FAT1: variants seen among roughly 807,000 people sequenced by gnomAD.
FAT1 encodes protocadherin Fat 1.
In FAT1, 171 loss-of-function variants were observed where a neutral mutation model predicts 329.8. The observed-to-expected ratio is 0.52, with a 90% CI of 0.46 to 0.59. FAT1 has a LOEUF of 0.59. Among genes scored for constraint, FAT1 ranks in the 20% least tolerant of loss-of-function variants. FAT1 has a pLI of 0.00. For synonymous variants in FAT1, 2,233 were observed against 2,228.6 expected (o/e 1.00, Z -0.06); for missense variants, 5,672 against 5,774.4 (o/e 0.98, Z 0.57).
chr4:186,612,156 G>C (rs976932970), intron 13 of FAT1, among the ~76,000 whole-genome samples: 2 of 150,858 alleles, frequency 1.3e-5, no homozygotes, highest in Non-Finnish European at 2.9e-5. Context: ...TTTTTTAGAA[G>C]GGTAAACGCT....
chr4:186,600,415 C>G (rs2126415915), intron 21 of FAT1, 55 bp from the exon 22 acceptor site: 4 of 1,426,904 alleles, frequency 2.8e-6, no homozygotes, highest in Non-Finnish European at 3.8e-6. Flanking sequence ...TCAATGAGAG[C>G]ACCTGATCAC....
intron 2 of FAT1, among the ~76,000 whole-genome samples, chr4:186,664,137 A>G (rs1383976040): frequency 6.6e-6 from 1 of 152,146 alleles, no homozygotes; most frequent in African/African-American, 2.4e-5. Flanking sequence ...GCCACTGTCT[A>G]AGGAAAAAGG....
At chr4:186,712,954 A>G (rs1041145174) in intron 1 of FAT1, among the ~76,000 whole-genome samples, 3 of 111,980 alleles carry the variant, frequency 2.7e-5, no homozygotes, top group African/African-American at 1.2e-4. Flanking sequence ...GCCGGGGCAC[A>G]TCCTGGGAGA....
chr4:186,690,098 C>G (rs146234948), intron 2 of FAT1, among the ~76,000 whole-genome samples: 4 of 152,252 alleles, frequency 2.6e-5, no homozygotes, highest in Admixed American at 6.5e-5. Flanking sequence ...CATTGCGTTA[C>G]AGAAAAGTGT....
In FAT1 at chr4:186,609,979, C is replaced by T. The variant is rs1739327802; in HGVS notation, c.9890G>A (p.Ser3297Asn). 6.2e-7 allele frequency: 1 copy of T among 1,613,104 alleles called. No homozygotes were observed. Among genetic ancestry groups the T allele is most frequent in the African/African-American group, 1.3e-5 (1 of 75,012 alleles). Residue 3297 changes from serine (S) to asparagine (N), a missense_variant, in exon 15 of 27, where the codon AGC becomes AAC. Around this residue, in one of 2 missense-constraint regions of FAT1, gnomAD observed 1,706 missense variants for 1,859.1 expected, o/e 0.92. Coordinates refer to ENST00000441802, the MANE Select transcript of FAT1 (RefSeq NM_005245.4). ...TACTGTTAGGTAATACTCATGAGAG[C>T]TCTCATAATCCAGATTCTCAATGAT... is the stretch of plus-strand genomic sequence containing the variant. ...VFIIENLDYESSHEYYLTVEA... is the reference protein window; with the variant it reads ...VFIIENLDYENSHEYYLTVEA...
At chr4:186,601,486 T>G in intron 20 of FAT1, 60 bp from the exon 21 acceptor site, 1 of 1,476,934 alleles carries the variant, frequency 6.8e-7, no homozygotes, top group Non-Finnish European at 9.3e-7. Flanking sequence ...TTTTTTAAAG[T>G]ATGACTCCCC....
intron 26 of FAT1, among the ~76,000 whole-genome samples, chr4:186,595,297 GT>G (rs1738445522): frequency 3.3e-5 from 3 of 89,702 alleles, no homozygotes; most frequent in South Asian, 2.9e-4. Context: ...CTTAGAGGGG[GT>G]GTGTGTGTGT....
rs377244312 is a variant in FAT1 at position 186,628,473 on chromosome 4, G to T, written c.4599+15C>A. The T allele has an allele frequency of 1.2e-6, 2 of 1,613,552 alleles. No individual in the cohort carries two copies. Among genetic ancestry groups the T allele is most frequent in the Admixed American group, 3.3e-5 (2 of 60,016 alleles). On this transcript the variant is annotated intron_variant, in intron 8 of 26. Coordinates refer to ENST00000441802, the MANE Select transcript of FAT1 (RefSeq NM_005245.4). ...CAGGACCAAATGGTGGGAGGAGAGC[G>T]GGTAGAGCGCCTACCATGACCGTGA...
intron 2 of FAT1, among the ~76,000 whole-genome samples, chr4:186,679,176 C>A (rs963669107): frequency 1.3e-5 from 2 of 151,892 alleles, no homozygotes; most frequent in Admixed American, 1.3e-4. Flanking sequence ...GTCAGGAGAT[C>A]GAGACCATCC....
At position 186,630,618 on chromosome 4, in the gene FAT1, G is replaced by A. The variant is rs190449664; in HGVS notation, c.4324-1855C>T. ...GTGCAACAAGACTATGGCTTTCTGC[G>A]TGCTTACTGGGTGACAGGCTCTCAG... On this transcript the variant is annotated intron_variant, in intron 7 of 26. Coordinates refer to ENST00000441802, the MANE Select transcript of FAT1 (RefSeq NM_005245.4). 2.4e-4 allele frequency among the ~76,000 whole-genome samples: 36 copies of A among 152,264 alleles called. No homozygotes were observed. In the East Asian group the frequency reaches 6.2e-3, roughly 26 times the overall value.
chr4:186,651,176 TA>T (rs1327737686), intron 3 of FAT1, among the ~76,000 whole-genome samples: 1 of 150,664 alleles, frequency 6.6e-6, no homozygotes, highest in Non-Finnish European at 1.5e-5. Flanking sequence ...AATAAATTAA[TA>T]AAGCACCATG....
At chr4:186,611,249 C>G (rs1739428872) in intron 14 of FAT1, 137 bp downstream of exon 14, 1 of 703,794 alleles carries the variant, frequency 1.4e-6, no homozygotes, top group South Asian at 2.2e-5. Context: ...CTGTAAATAA[C>G]TAAAAGAAAA....
Position 186,716,065 on chromosome 4 carries a change from C to T in FAT1, c.-18-6220G>A, listed in dbSNP as rs80130900. ...TTAGATGACCTCAAGCTCAAGTCTTCGAAGGGTTTCACACGCCACAGAGAC... is the reference window on the plus strand; with the variant it reads ...TTAGATGACCTCAAGCTCAAGTCTTTGAAGGGTTTCACACGCCACAGAGAC... On this transcript the variant is annotated intron_variant, in intron 1 of 26. Transcript: ENST00000441802. Among the ~76,000 whole-genome samples the T allele has an allele frequency of 3.5e-3, 539 of 152,148 alleles. 2 individuals are homozygous for T. Among genetic ancestry groups the T allele is most frequent in the African/African-American group, 0.012 (516 of 41,516 alleles).
intron 3 of FAT1, among the ~76,000 whole-genome samples, chr4:186,650,966 G>A (rs929975910): frequency 2.0e-5 from 3 of 151,318 alleles, no homozygotes; most frequent in African/African-American, 4.9e-5. Context: ...CCAACTGCAC[G>A]GAAAAGAGAG....
Position 186,636,993 on chromosome 4 carries a change from C to T in FAT1, c.3643-79G>A, listed in dbSNP as rs143625090. The T allele has an allele frequency of 9.3e-5, 118 of 1,268,130 alleles. No individual in the cohort carries two copies. The African/African-American group carries it at 1.3e-3, about 14-fold the overall frequency. The allele number at this position is 1,268,130 out of a possible 1,614,324, so 78.6% of individuals were successfully genotyped here. ...GAGCATCTTCTTCCTCATGCTACTC[C>T]GCATGTGTGTAAAGCTCTGCATTTT... On this transcript the variant is annotated intron_variant, in intron 4 of 26. Transcript: ENST00000441802.
chr4:186,685,582 G>A (rs963335257), intron 2 of FAT1, among the ~76,000 whole-genome samples: 1 of 152,162 alleles, frequency 6.6e-6, no homozygotes, highest in African/African-American at 2.4e-5. Flanking sequence ...CTGCATCTCA[G>A]AGGTTCCTTT....
chr4:186,634,545 C>T (rs1307079997), intron 6 of FAT1, among the ~76,000 whole-genome samples: 3 of 151,736 alleles, frequency 2.0e-5, no homozygotes, highest in Admixed American at 2.0e-4. Flanking sequence ...CCTAAAACCA[C>T]GGAGCTAGGT....
At chr4:186,718,696 A>C (rs1579508601) in intron 1 of FAT1, among the ~76,000 whole-genome samples, 2 of 152,190 alleles carry the variant, frequency 1.3e-5, no homozygotes, top group Admixed American at 1.3e-4. Flanking sequence ...AAATAAAATA[A>C]ACTTCATTCA....
chr4:186,692,373 C>G lies in FAT1; in HGVS notation c.3265+14190G>C, dbSNP rs567754907. Among the ~76,000 whole-genome samples, 3 of 151,880 alleles carry G rather than the reference C, an allele frequency of 2.0e-5. No homozygotes were observed. In the South Asian group the frequency reaches 6.2e-4, roughly 32 times the overall value. On this transcript the variant is annotated intron_variant, in intron 2 of 26. Coordinates refer to ENST00000441802, the MANE Select transcript of FAT1 (RefSeq NM_005245.4). ...TGTCGCCCAGGCTGGAGTGCAGTGGCGCAATCTCGGTTCACTGCAAGCTCC... is the reference window on the plus strand; with the variant it reads ...TGTCGCCCAGGCTGGAGTGCAGTGGGGCAATCTCGGTTCACTGCAAGCTCC...
Sources: allele counts gnomAD v4.1 joint callset (sites outside exome capture counted in the v4.1 genomes callset), GRCh38; gene constraint gnomAD v4.1.1; regional missense constraint gnomAD v4.1.1; transcripts MANE v1.5; gene names NCBI Gene and HGNC (gene_info 2026-07-23, HGNC 2026-07-21).